Variants in ZNF469 observed in about 807,000 individuals in gnomAD.
ZNF469 encodes the protein zinc finger protein 469.
A neutral mutation model predicts 1.0 loss-of-function variants in ZNF469; 1 was observed. The ratio of observed to expected loss-of-function variants is 1.00; its 90% CI spans 0.35 to 4.73. ZNF469 has a LOEUF of 4.73. ZNF469 is among the 30% of genes most tolerant of loss of function. The pLI is 0.16. For synonymous variants in ZNF469, 2,703 were observed against 2,363.4 expected (o/e 1.14, Z -4.17); for missense variants, 6,100 against 5,356.3 (o/e 1.14, Z -4.33).
At chr16:88,160,185 T>G in the ZNF469 span, among the ~76,000 whole-genome samples, 2 of 152,232 alleles carry the variant, frequency 1.3e-5, no homozygotes, top group Non-Finnish European at 2.9e-5. Flanking sequence ...GGAAGGAGAC[T>G]GGGTCTGGGA....
the ZNF469 span, among the ~76,000 whole-genome samples, chr16:88,180,578 C>T: frequency 1.1e-4 from 16 of 152,224 alleles, no homozygotes; most frequent in African/African-American, 3.6e-4. Flanking sequence ...TCGAGACCAG[C>T]CTGGCCAACA....
the ZNF469 span, among the ~76,000 whole-genome samples, chr16:88,204,459 C>T: frequency 6.6e-6 from 1 of 152,246 alleles, no homozygotes. Context: ...CCACTTCTTT[C>T]AGGCCACTTG....
At chr16:88,234,132 C>T in the ZNF469 span, among the ~76,000 whole-genome samples, 5 of 152,288 alleles carry the variant, frequency 3.3e-5, no homozygotes, top group East Asian at 3.9e-4. Flanking sequence ...GTACAAAAGC[C>T]GCTGGGTCTC....
chr16:88,249,069 A>C, the ZNF469 span, among the ~76,000 whole-genome samples: 1 of 151,946 alleles, frequency 6.6e-6, no homozygotes, highest in Non-Finnish European at 1.5e-5. Flanking sequence ...CGCTCTTTTT[A>C]ACCCCACATC....
At chr16:88,401,515 G>GTGGA (rs1317627766) in intron 1 of ZNF469, among the ~76,000 whole-genome samples, 2 of 120,614 alleles carry the variant, frequency 1.7e-5, no homozygotes, top group East Asian at 2.3e-4. Context: ...GGATGGGTGA[G>GTGGA]TGGATGGATG....
At chr16:88,240,819 C>T in the ZNF469 span, among the ~76,000 whole-genome samples, 1 of 152,190 alleles carries the variant, frequency 6.6e-6, no homozygotes, top group Admixed American at 6.5e-5. Flanking sequence ...ATGGAAAAGT[C>T]CTTCCCGGCC....
At chr16:88,179,904 C>G in the ZNF469 span, among the ~76,000 whole-genome samples, 2 of 152,220 alleles carry the variant, frequency 1.3e-5, no homozygotes, top group African/African-American at 4.8e-5. Flanking sequence ...TGTCAGGTTA[C>G]TACATGTATG....
At chr16:88,212,744 C>T in the ZNF469 span, among the ~76,000 whole-genome samples, 2 of 152,138 alleles carry the variant, frequency 1.3e-5, no homozygotes, top group Non-Finnish European at 2.9e-5. Flanking sequence ...CAACACCCAG[C>T]TAATTTTTGT....
chr16:88,254,281 G>C, the ZNF469 span, among the ~76,000 whole-genome samples: 1 of 152,174 alleles, frequency 6.6e-6, no homozygotes, highest in African/African-American at 2.4e-5. Context: ...TTTTCCAAGT[G>C]AGTTGCCATG....
the ZNF469 span, among the ~76,000 whole-genome samples, chr16:88,351,808 C>T: frequency 1.3e-5 from 2 of 152,224 alleles, no homozygotes; most frequent in Non-Finnish European, 2.9e-5. Context: ...CCACCCACCA[C>T]CCTCTCCCCA....
Position 88,437,969 on chromosome 16 carries a change from T to C in ZNF469, c.10499T>C (p.Leu3500Pro), listed in dbSNP as rs1285038403. Residue 3500 changes from leucine (L) to proline (P), a missense_variant, in exon 3 of 3, where the codon CTG (leucine) becomes CCG (proline). Transcript: ENST00000565624. ...RPPPRGSSPILSEGSLPALLH... is the reference protein window; with the variant it reads ...RPPPRGSSPIPSEGSLPALLH... ...CCTCCCCGGGGAAGCAGCCCCATCC[T>C]GAGTGAGGGCTCTCTCCCGGCCCTG... is the stretch of plus-strand genomic sequence containing the variant. The C allele has an allele frequency of 3.2e-6, 5 of 1,546,952 alleles. No individual in the cohort carries two copies. The highest frequency in any genetic ancestry group is 1.4e-5 in the African/African-American group (1 of 73,022).
chr16:88,230,354 C>T, the ZNF469 span, among the ~76,000 whole-genome samples: 1 of 152,194 alleles, frequency 6.6e-6, no homozygotes, highest in Non-Finnish European at 1.5e-5. Context: ...CCCCCAGAGG[C>T]AGGCCTTGGG....
At chr16:88,269,709 T>A in the ZNF469 span, among the ~76,000 whole-genome samples, 7 of 152,124 alleles carry the variant, frequency 4.6e-5, no homozygotes, top group Admixed American at 2.0e-4. Context: ...CGGGAACTGC[T>A]GACCAATCCC....
chr16:88,152,221 G>C, the ZNF469 span, among the ~76,000 whole-genome samples: 1 of 152,214 alleles, frequency 6.6e-6, no homozygotes, highest in Non-Finnish European at 1.5e-5. The surrounding 1 kb of genome is among the most constrained non-coding windows in gnomAD (Gnocchi z 4.2). Context: ...ATCACCATTT[G>C]GCTAAGATTC....
Position 88,432,437 on chromosome 16 carries a change from G to A in ZNF469, c.4967G>A (p.Gly1656Glu). ...TVEAVQGRPG[G>E]TWPCPASFHP... The stretch of plus-strand genomic sequence containing the variant: ...GAAGCGGTTCAGGGGAGGCCTGGGG[G>A]GACGTGGCCCTGCCCAGCCTCCTTC... Residue 1656 changes from glycine (G) to glutamate (E), a missense_variant, in exon 3 of 3, where the codon GGG becomes GAG. Physicochemically the swap from Gly to Glu is moderately conservative, Grantham distance 98 (BLOSUM62 -2). Transcript: ENST00000565624. The A allele has an allele frequency of 6.5e-7, 1 of 1,550,224 alleles. No individual in the cohort carries two copies. The highest frequency in any genetic ancestry group is 2.4e-5 in the East Asian group (1 of 40,922).
chr16:88,112,641 C>G, the ZNF469 span, among the ~76,000 whole-genome samples: 1 of 152,122 alleles, frequency 6.6e-6, no homozygotes, highest in African/African-American at 2.4e-5. Context: ...TAGATTCTTT[C>G]CTATAGAGTT....
At chr16:88,206,790 A>T in the ZNF469 span, among the ~76,000 whole-genome samples, 1 of 143,736 alleles carries the variant, frequency 7.0e-6, no homozygotes, top group Non-Finnish European at 1.5e-5. Flanking sequence ...TCTCTGTGGG[A>T]ACGGAAGGGA....
the ZNF469 span, among the ~76,000 whole-genome samples, chr16:88,304,266 C>T: frequency 3.3e-5 from 5 of 152,184 alleles, no homozygotes; most frequent in African/African-American, 9.7e-5. Context: ...GCAGCCCGGC[C>T]GCCCCCACAC....
chr16:88,222,535 A>T, the ZNF469 span, among the ~76,000 whole-genome samples: 1 of 152,174 alleles, frequency 6.6e-6, no homozygotes, highest in Non-Finnish European at 1.5e-5. Context: ...AGGCAGGTGG[A>T]TCGCCTGAGG....
Sources: gnomAD v4.1 joint callset for allele counts (sites outside exome capture counted in the v4.1 genomes callset) on GRCh38, gnomAD v4.1.1 for gene constraint, Gnocchi (gnomAD v3.1) non-coding constraint, MANE v1.5 for transcripts, NCBI Gene and HGNC (gene_info 2026-07-23, HGNC 2026-07-21) for gene names.